Variants in TSHR observed in about 807,000 individuals in gnomAD.
TSHR encodes the protein thyroid stimulating hormone receptor, also known as thyrotropin receptor.
A neutral mutation model predicts 64.1 loss-of-function variants in TSHR; 51 were observed. That is an observed-to-expected ratio of 0.80 (90% CI 0.64 to 1.01). The LOEUF (loss-of-function observed/expected upper bound fraction) is 1.01, where lower values mean the gene tolerates loss of function less well. TSHR is among the 50% of genes least tolerant of loss of function. TSHR has a pLI of 0.00. For missense variants in TSHR, 877 were observed against 942.8 expected (o/e 0.93, Z 0.91); for synonymous variants, 361 against 361.9 (o/e 1.00, Z 0.03).
chr14:81,116,694 A>C (rs991495072), intron 8 of TSHR, among the ~76,000 whole-genome samples: 3 of 146,578 alleles, frequency 2.0e-5, no homozygotes, highest in African/African-American at 7.9e-5. Flanking sequence ...ATAGACATCT[A>C]CAGAACTCTC....
At chr14:81,136,906 A>G (rs1891477953) in intron 8 of TSHR, among the ~76,000 whole-genome samples, 1 of 152,138 alleles carries the variant, frequency 6.6e-6, no homozygotes, top group South Asian at 2.1e-4. Flanking sequence ...CTGCACCTGG[A>G]TCTGTGTTCA....
At chr14:80,970,751 C>T (rs1171443369) in intron 1 of TSHR, among the ~76,000 whole-genome samples, 5 of 152,228 alleles carry the variant, frequency 3.3e-5, no homozygotes, top group Admixed American at 3.3e-4. Context: ...CCAAGACGCC[C>T]AGCAAGTGCT....
chr14:81,034,752 G>C (rs567582405), intron 1 of TSHR, among the ~76,000 whole-genome samples: 1 of 152,280 alleles, frequency 6.6e-6, no homozygotes, highest in East Asian at 1.9e-4. Context: ...TTTGGGGTTT[G>C]CGAAAATTGT....
chr14:81,017,475 T>TGTC (rs1226495518), intron 1 of TSHR, among the ~76,000 whole-genome samples: 1 of 152,086 alleles, frequency 6.6e-6, no homozygotes, highest in Non-Finnish European at 1.5e-5. Flanking sequence ...TTTAAGCTAA[T>TGTC]GTCAATCCGC....
chr14:81,015,538 C>A (rs930387488), intron 1 of TSHR, among the ~76,000 whole-genome samples: 1 of 151,932 alleles, frequency 6.6e-6, no homozygotes, highest in African/African-American at 2.4e-5. Flanking sequence ...TTATGGTGTA[C>A]AACGTGATGC....
chr14:81,041,335 G>C (rs1047924484), intron 1 of TSHR, among the ~76,000 whole-genome samples: 1 of 152,142 alleles, frequency 6.6e-6, no homozygotes, highest in African/African-American at 2.4e-5. Context: ...ATACTATGCA[G>C]CCATAAAAAA....
intron 1 of TSHR, among the ~76,000 whole-genome samples, chr14:81,010,505 T>C (rs1304764603): frequency 6.6e-6 from 1 of 152,050 alleles, no homozygotes; most frequent in Non-Finnish European, 1.5e-5. Context: ...AATGAGCTTT[T>C]TAAATTTACA....
At chr14:81,134,552 C>G (rs1279967163) in intron 8 of TSHR, among the ~76,000 whole-genome samples, 1 of 152,020 alleles carries the variant, frequency 6.6e-6, no homozygotes, top group Admixed American at 6.6e-5. Flanking sequence ...GTCTAGGTAC[C>G]AAAAATACGG....
chr14:81,112,670 C>T (rs1397869579), intron 8 of TSHR, among the ~76,000 whole-genome samples: 1 of 152,158 alleles, frequency 6.6e-6, no homozygotes, highest in African/African-American at 2.4e-5. Context: ...GGATTCTTCA[C>T]TGGGAACTAC....
intron 7 of TSHR, among the ~76,000 whole-genome samples, chr14:81,099,725 A>T (rs1889448593): frequency 6.6e-6 from 1 of 152,214 alleles, no homozygotes; most frequent in Admixed American, 6.5e-5. Flanking sequence ...TGCTGGGATG[A>T]TAAAACGTTA....
chr14:80,983,047 C>A (rs146625531), intron 1 of TSHR: 161 of 543,712 alleles, frequency 3.0e-4, no homozygotes, highest in African/African-American at 2.8e-3. Context: ...TAACGTTCAC[C>A]CATTTGCCCA....
At chr14:81,010,058 A>G (rs1277752674) in intron 1 of TSHR, among the ~76,000 whole-genome samples, 2 of 152,146 alleles carry the variant, frequency 1.3e-5, no homozygotes, top group African/African-American at 2.4e-5. Flanking sequence ...ATATTTACCA[A>G]TCTGATAAGT....
intron 1 of TSHR, among the ~76,000 whole-genome samples, chr14:81,028,748 G>A (rs1594971729): frequency 6.6e-6 from 1 of 152,030 alleles, no homozygotes; most frequent in African/African-American, 2.4e-5. Context: ...CAAATGAGAA[G>A]AGAAGATGAT....
intron 8 of TSHR, among the ~76,000 whole-genome samples, chr14:81,120,441 T>C (rs2140062935): frequency 6.6e-6 from 1 of 152,356 alleles, no homozygotes; most frequent in East Asian, 1.9e-4. Context: ...TTTGATGCCA[T>C]TATAAATGGG....
At chr14:81,043,569 G>A (rs571433929) in intron 1 of TSHR, among the ~76,000 whole-genome samples, 1 of 152,210 alleles carries the variant, frequency 6.6e-6, no homozygotes, top group East Asian at 1.9e-4. Context: ...ATGCTACACA[G>A]AATTAGAAAA....
chr14:80,956,473 C>T (rs943472065), intron 1 of TSHR, among the ~76,000 whole-genome samples: 4 of 152,162 alleles, frequency 2.6e-5, no homozygotes, highest in Non-Finnish European at 5.9e-5. Flanking sequence ...AAGTATAGTA[C>T]ATTTATCTGC....
At chr14:80,991,045 TTC>T (rs1162686804) in intron 1 of TSHR, among the ~76,000 whole-genome samples, 3 of 152,242 alleles carry the variant, frequency 2.0e-5, no homozygotes, top group African/African-American at 7.2e-5. Flanking sequence ...GTTCTGATTT[TTC>T]TCTCTTAAGA....
rs10711545 is a variant in TSHR, at chr14:81,142,606, C to CT, written c.882-314dup. Among the ~76,000 whole-genome samples the CT allele has an allele frequency of 8.3e-3, 808 of 97,208 alleles. 8 individuals are homozygous for CT. Among genetic ancestry groups the CT allele is most frequent in the Non-Finnish European group, 0.012 (600 of 49,256 alleles). The allele number at this position is 97,208 out of a possible 152,430, so 63.8% of individuals were successfully genotyped here. On this transcript the variant is annotated intron_variant, in intron 9 of 9. Coordinates refer to ENST00000298171, the MANE Select transcript of TSHR (RefSeq NM_000369.5). ...CATTCGTGGGTTTTAAACAAGCATT[C>CT]TTTTTTTTTTTTTTTTTTTTGAGAC... is the stretch of plus-strand genomic sequence containing the variant.
intron 1 of TSHR, among the ~76,000 whole-genome samples, chr14:81,023,755 AG>A (rs1883897176): frequency 6.6e-6 from 1 of 152,162 alleles, no homozygotes; most frequent in Admixed American, 6.5e-5. Flanking sequence ...TTCAAGGCTC[AG>A]GGGTTAGCTG....
Sources: gnomAD v4.1 joint callset for allele counts (sites outside exome capture counted in the v4.1 genomes callset) on GRCh38, gnomAD v4.1.1 for gene constraint, MANE v1.5 for transcripts, NCBI Gene and HGNC (gene_info 2026-07-23, HGNC 2026-07-21) for gene names.